The following MSANTD7 variants were observed in gnomAD, a reference collection of about 807,000 sequenced individuals.
MSANTD7 encodes the protein zinc finger and SCAN domain containing 29.
At chr10:14,839,554 G>A in the MSANTD7 span, among the ~76,000 whole-genome samples, 188 of 150,596 alleles carry the variant, frequency 1.2e-3, 5 homozygotes, top group South Asian at 0.03. Flanking sequence ...CTGGGCCACG[G>A]AGCAAGACTC....
At chr10:14,838,350 C>T in the MSANTD7 span, 1 of 1,538,472 alleles carries the variant, frequency 6.5e-7, no homozygotes, top group Non-Finnish European at 8.8e-7. Flanking sequence ...CGGCCGGTAG[C>T]TGTTGCTGTT....
At chr10:14,844,695 A>G in the MSANTD7 span, 7 of 972,568 alleles carry the variant, frequency 7.2e-6, no homozygotes, top group African/African-American at 1.2e-4. Context: ...TCTTCAATAT[A>G]AAATACTGGC....
the MSANTD7 span, chr10:14,842,303 A>G: frequency 6.5e-7 from 1 of 1,535,906 alleles, no homozygotes; most frequent in African/African-American, 1.4e-5. This position sits in a 1 kb window ranked among gnomAD's most constrained non-coding sequence, Gnocchi z 5.2. Context: ...TGCCAATAGC[A>G]GTGCGGGCAT....
the MSANTD7 span, chr10:14,841,996 G>A: frequency 1.8e-6 from 1 of 554,440 alleles, no homozygotes; most frequent in Non-Finnish European, 3.3e-6. Context: ...TCTACCCTGG[G>A]TGAACTCCCA....
chr10:14,840,121 A>C, the MSANTD7 span: 1 of 1,478,712 alleles, frequency 6.8e-7, no homozygotes. Flanking sequence ...AATATTTCAA[A>C]TACAGTAATG....
the MSANTD7 span, among the ~76,000 whole-genome samples, chr10:14,839,691 CT>C: frequency 6.6e-6 from 1 of 152,120 alleles, no homozygotes; most frequent in South Asian, 2.1e-4. Context: ...CAATTGTTGA[CT>C]TTGCAGAGCA....
At chr10:14,843,377 C>T in the MSANTD7 span, 1 of 1,550,822 alleles carries the variant, frequency 6.4e-7, no homozygotes, top group Non-Finnish European at 8.7e-7. Flanking sequence ...TCAGGGTGCT[C>T]TCAAGGGACC....
the MSANTD7 span, chr10:14,846,068 TAATA>T: frequency 7.2e-6 from 7 of 978,130 alleles, no homozygotes; most frequent in Non-Finnish European, 8.5e-6. Context: ...TCTGTGGTAT[TAATA>T]TTTATTAATA....
the MSANTD7 span, chr10:14,846,213 TG>T: frequency 1.0e-6 from 1 of 985,292 alleles, no homozygotes; most frequent in Non-Finnish European, 1.2e-6. Context: ...TGGAAAGATA[TG>T]TGTCAATTAT....
the MSANTD7 span, chr10:14,846,458 A>G: frequency 1.0e-6 from 1 of 985,338 alleles, no homozygotes; most frequent in Non-Finnish European, 1.2e-6. Context: ...AAGGTCTTGA[A>G]TAAGTACACA....
chr10:14,839,400 C>T, the MSANTD7 span, among the ~76,000 whole-genome samples: 1 of 151,902 alleles, frequency 6.6e-6, no homozygotes, highest in Non-Finnish European at 1.5e-5. Flanking sequence ...ATGGTGAAAC[C>T]CCGCCTCTAC....
chr10:14,839,253 G>T, the MSANTD7 span, among the ~76,000 whole-genome samples: 1 of 152,176 alleles, frequency 6.6e-6, no homozygotes, highest in Non-Finnish European at 1.5e-5. Context: ...AAAGCCAAAG[G>T]GAATAATACT....
chr10:14,845,825 G>C, the MSANTD7 span: 1 of 201,930 alleles, frequency 5.0e-6, no homozygotes, highest in African/African-American at 2.4e-5. Flanking sequence ...GCCTCCCAAA[G>C]TGCTGAGATT....
At chr10:14,838,517 T>C in the MSANTD7 span, 70 of 1,499,714 alleles carry the variant, frequency 4.7e-5, no homozygotes, top group Non-Finnish European at 6.2e-5. Context: ...TTTCTGGCGC[T>C]GGGTCATCCA....
the MSANTD7 span, chr10:14,844,769 A>AT: frequency 1.0e-6 from 1 of 983,196 alleles, no homozygotes; most frequent in East Asian, 1.1e-4. Context: ...GTCCCTTTAT[A>AT]TGCCTAAATT....
chr10:14,838,456 T>A, the MSANTD7 span: 3 of 1,604,526 alleles, frequency 1.9e-6, no homozygotes, highest in Non-Finnish European at 2.5e-6. Flanking sequence ...TGGCCGTCTA[T>A]AAGGTGAGGG....
At chr10:14,841,124 G>C in the MSANTD7 span, 6 of 152,108 alleles carry the variant, frequency 3.9e-5, no homozygotes, top group Admixed American at 3.9e-4. Flanking sequence ...TCTCTTACCT[G>C]TGTTCAATTA....
chr10:14,841,295 G>A, the MSANTD7 span: 65 of 152,248 alleles, frequency 4.3e-4, 1 homozygote, highest in East Asian at 6.8e-3. Context: ...ATATAAGTTG[G>A]TGTCAAATAT....
chr10:14,843,579 T>C, the MSANTD7 span: 8 of 1,550,628 alleles, frequency 5.2e-6, no homozygotes, highest in African/African-American at 9.6e-5. Flanking sequence ...CTGGTGGGGA[T>C]AGGCCCTTGA....
Sources: allele counts gnomAD v4.1 joint callset (sites outside exome capture counted in the v4.1 genomes callset), GRCh38; gene constraint gnomAD v4.1.1; non-coding constraint Gnocchi (gnomAD v3.1); transcripts MANE v1.5; gene names NCBI Gene and HGNC (gene_info 2026-07-23, HGNC 2026-07-21).